The following STN1 variants were observed in gnomAD, a reference collection of about 807,000 sequenced individuals.
STN1 encodes STN1 subunit of CST complex, also known as CST complex subunit STN1.
A neutral mutation model predicts 45.5 loss-of-function variants in STN1; 29 were observed. The observed-to-expected ratio is 0.64, with a 90% CI of 0.47 to 0.87. STN1 has a LOEUF of 0.87. Among genes scored for constraint, STN1 ranks in the 40% least tolerant of loss-of-function variants. The pLI, the probability that STN1 is intolerant of heterozygous loss-of-function variation, is 0.00. For missense variants in STN1, 376 were observed against 441.4 expected (o/e 0.85, Z 1.33); for synonymous variants, 148 against 159.0 (o/e 0.93, Z 0.52).
chr10:103,909,440 ATATG>A (rs1843270457), intron 3 of STN1, among the ~76,000 whole-genome samples: 6 of 60,050 alleles, frequency 1.0e-4, no homozygotes, highest in African/African-American at 2.8e-4. Context: ...ATATGTATAT[ATATG>A]TATATATGTA....
Position 103,880,885 on chromosome 10 carries a change from G to A in STN1, c.*1799C>T, listed in dbSNP as rs1360498759. Among the ~76,000 whole-genome samples the A allele has an allele frequency of 6.7e-6, 1 of 150,078 alleles. No homozygotes were observed. The highest frequency in any genetic ancestry group is 2.4e-5 in the African/African-American group (1 of 40,944). ...GAAGGGAGTGGTCGACTGTGTGTGT[G>A]TATATATATATATATGTACATGTGC... is the stretch of plus-strand genomic sequence containing the variant. On this transcript the variant is annotated 3_prime_UTR_variant, in exon 10 of 10. Transcript: ENST00000224950.
intron 4 of STN1, 67 bp downstream of exon 4, chr10:103,905,024 G>T: frequency 7.1e-7 from 1 of 1,408,802 alleles, no homozygotes; most frequent in South Asian, 1.2e-5. Context: ...TAGCTGTTTT[G>T]ATGAACTACA....
chr10:103,888,066 C>A (rs889648684), intron 9 of STN1, among the ~76,000 whole-genome samples: 1 of 152,214 alleles, frequency 6.6e-6, no homozygotes, highest in African/African-American at 2.4e-5. Context: ...AGTCCATTCA[C>A]TTGCACTGAA....
intron 4 of STN1, among the ~76,000 whole-genome samples, chr10:103,902,711 C>CA (rs1843217245): frequency 6.6e-6 from 1 of 152,196 alleles, no homozygotes; most frequent in Admixed American, 6.5e-5. Context: ...GATTTTGACT[C>CA]AGACTAAATT....
In STN1 at chr10:103,909,390, GTATATATGTA is replaced by G. The variant is rs1355116238; in HGVS notation, c.229+1127_229+1136del. On this transcript the variant is annotated intron_variant, in intron 3 of 9. Coordinates refer to ENST00000224950, the MANE Select transcript of STN1 (RefSeq NM_024928.5). ...AATATATATATATATGTATATATAT[GTATATATGTA>G]TATATATGTATATATGTATATATGT... 7.8e-5 allele frequency among the ~76,000 whole-genome samples: 5 copies of G among 64,216 alleles called. 1 individual carries two copies. Among genetic ancestry groups the G allele is most frequent in the Admixed American group, 7.6e-4 (4 of 5,268 alleles). The allele number at this position is 64,216 out of a possible 152,430, so 42.1% of individuals were successfully genotyped here. A position where few individuals can be genotyped will look rare whatever the true frequency, so the allele number is the denominator to read the frequency against.
At chr10:103,914,370 A>ATTT (rs1292355497) in intron 2 of STN1, among the ~76,000 whole-genome samples, 9 of 29,042 alleles carry the variant, frequency 3.1e-4, no homozygotes, top group African/African-American at 7.0e-4. Context: ...ATATATATAT[A>ATTT]TATATTTTTT....
intron 3 of STN1, among the ~76,000 whole-genome samples, chr10:103,909,400 A>ATATATGTATATATATGTATATATG (rs1554837213): frequency 1.7e-5 from 1 of 57,856 alleles, no homozygotes; most frequent in African/African-American, 6.2e-5. Context: ...GTATATATGT[A>ATATATGTATATATATGTATATATG]TATATATGTA....
chr10:103,917,531 C>T lies in STN1; in HGVS notation c.64G>A (p.Val22Met). 6.2e-7 allele frequency: 1 copy of T among 1,614,178 alleles called. No homozygotes were observed. The highest frequency in any genetic ancestry group is 8.5e-7 in the Non-Finnish European group (1 of 1,180,020). ...TAGAGTTTTGCAAAGGCTAGAAACA[C>T]AGGATCCAAACCCCACAAGAGGGAA... ...TPSLLWGLDP[V>M]FLAFAKLYIR... is the part of the protein sequence containing the mutation. The change falls in exon 2 of 10, where the codon GTG becomes ATG. Residue 22 changes from valine (V) to methionine (M), a missense_variant. Coordinates refer to ENST00000224950, the MANE Select transcript of STN1 (RefSeq NM_024928.5).
intron 9 of STN1, among the ~76,000 whole-genome samples, chr10:103,888,215 ACT>A (rs1324399973): frequency 6.6e-6 from 1 of 152,152 alleles, no homozygotes; most frequent in Non-Finnish European, 1.5e-5. Context: ...TCACCCACTG[ACT>A]CAACCTGGCA....
intron 9 of STN1, among the ~76,000 whole-genome samples, chr10:103,888,021 A>G (rs1358033091): frequency 6.6e-6 from 1 of 152,182 alleles, no homozygotes; most frequent in African/African-American, 2.4e-5. Flanking sequence ...CAACTAAAGG[A>G]TATTTGCTTT....
chr10:103,914,542 C>CG (rs1843315917), intron 2 of STN1, among the ~76,000 whole-genome samples: 1 of 151,288 alleles, frequency 6.6e-6, no homozygotes, highest in South Asian at 2.1e-4. Context: ...AACTCAGACA[C>CG]GGGGTCTCAC....
intron 3 of STN1, 139 bp downstream of exon 3, chr10:103,910,388 G>A: frequency 1.9e-6 from 1 of 521,554 alleles, no homozygotes; most frequent in South Asian, 2.7e-5. Context: ...GGGCTATAAG[G>A]GGCACCCCAT....
Position 103,881,182 on chromosome 10 carries a change from A to G in STN1, c.*1502T>C, listed in dbSNP as rs1237240543. ...TTTCCCCAATATAGAATTCTAGATT[A>G]TACAGCAATGAACACCTTGTGCAAC... On this transcript the variant is annotated 3_prime_UTR_variant, in exon 10 of 10. Transcript: ENST00000224950. 6.6e-6 allele frequency among the ~76,000 whole-genome samples: 1 copy of G among 152,234 alleles called. No homozygotes were observed. Among genetic ancestry groups the G allele is most frequent in the Non-Finnish European group, 1.5e-5 (1 of 68,034 alleles).
chr10:103,904,055 A>G lies in STN1; in HGVS notation c.295+1036T>C, dbSNP rs983715320. 4.0e-5 allele frequency among the ~76,000 whole-genome samples: 6 copies of G among 148,296 alleles called. No individual in the cohort carries two copies. The East Asian group carries it at 1.3e-3, about 33-fold the overall frequency. ...TCGGTATAGTCAAAGTACAAAGTTGAGATTCTGACACGTAATGGCAAAAAA... is the reference window on the plus strand; with the variant it reads ...TCGGTATAGTCAAAGTACAAAGTTGGGATTCTGACACGTAATGGCAAAAAA... On this transcript the variant is annotated intron_variant, in intron 4 of 9. Coordinates refer to ENST00000224950, the MANE Select transcript of STN1 (RefSeq NM_024928.5).
intron 7 of STN1, 131 bp downstream of exon 7, chr10:103,897,416 GT>G (rs1428021668): frequency 3.8e-6 from 3 of 785,936 alleles, no homozygotes; most frequent in African/African-American, 1.7e-5. Flanking sequence ...GAAATAATGT[GT>G]GACAGAACCA....
At chr10:103,887,986 A>G (rs992033316) in intron 9 of STN1, among the ~76,000 whole-genome samples, 3 of 152,210 alleles carry the variant, frequency 2.0e-5, no homozygotes, top group African/African-American at 4.8e-5. Flanking sequence ...AGCTCCTTCA[A>G]TTGTGGACAG....
intron 9 of STN1, among the ~76,000 whole-genome samples, chr10:103,885,329 G>T (rs1028077672): frequency 6.6e-6 from 1 of 152,168 alleles, no homozygotes; most frequent in Non-Finnish European, 1.5e-5. Flanking sequence ...GCACACGGTA[G>T]GGAGGAGCAG....
chr10:103,910,701 A>C, intron 2 of STN1, 79 bp from the exon 3 acceptor site: 1 of 736,280 alleles, frequency 1.4e-6, no homozygotes, highest in African/African-American at 1.7e-5. Context: ...TGTAGGGGGG[A>C]AGGGAGTGTA....
chr10:103,878,169 T>C lies in STN1; in HGVS notation c.*4515A>G, dbSNP rs1316842311. On this transcript the variant is annotated 3_prime_UTR_variant, in exon 10 of 10. Coordinates refer to ENST00000224950, the MANE Select transcript of STN1 (RefSeq NM_024928.5). ...TAATCATGGCTCTTCAAACAAATCC[T>C]TGACCAGACAGTAGCACTATTTGTC... is the stretch of plus-strand genomic sequence containing the variant. 2.0e-5 allele frequency: 3 copies of C among 152,246 alleles called. No individual in the cohort carries two copies. Among genetic ancestry groups the C allele is most frequent in the Non-Finnish European group, 4.4e-5 (3 of 68,048 alleles). The allele number at this position is 152,246 out of a possible 1,614,324, so 9.4% of individuals were successfully genotyped here. A position where few individuals can be genotyped will look rare whatever the true frequency, so the allele number is the denominator to read the frequency against.
Sources: gnomAD v4.1 joint callset for allele counts (sites outside exome capture counted in the v4.1 genomes callset) on GRCh38, gnomAD v4.1.1 for gene constraint, MANE v1.5 for transcripts, NCBI Gene and HGNC (gene_info 2026-07-23, HGNC 2026-07-21) for gene names.